The following SLC6A18 variants were observed in gnomAD, a reference collection of about 807,000 sequenced individuals.
SLC6A18 encodes the protein inactive sodium-dependent neutral amino acid transporter B(0)AT3.
In SLC6A18, 58 loss-of-function variants were observed where a neutral mutation model predicts 62.9. The observed-to-expected ratio is 0.92, with a 90% CI of 0.75 to 1.15. The LOEUF (loss-of-function observed/expected upper bound fraction) is 1.15. SLC6A18 is among the 50% of genes most tolerant of loss of function. The pLI is 0.00. For synonymous variants in SLC6A18, 382 were observed against 365.8 expected, an observed-to-expected ratio of 1.04 and a Z score of -0.51; for missense variants, 793 against 836.6, an observed-to-expected ratio of 0.95 and a Z score of 0.64.
intron 1 of SLC6A18, among the ~76,000 whole-genome samples, chr5:1,228,378 G>A (rs1394610626): frequency 6.6e-6 from 1 of 152,134 alleles, no homozygotes; most frequent in Non-Finnish European, 1.5e-5. Flanking sequence ...CCTTCCTGCG[G>A]GTCTCTCCAT....
chr5:1,226,425 A>G (rs1435695844), intron 1 of SLC6A18, among the ~76,000 whole-genome samples: 1 of 152,146 alleles, frequency 6.6e-6, no homozygotes, highest in African/African-American at 2.4e-5. Flanking sequence ...GGGGCTTCCC[A>G]GGCCGCAGGG....
chr5:1,241,990 T>C lies in SLC6A18; in HGVS notation c.975-717T>C, dbSNP rs1037287261. On this transcript the variant is annotated intron_variant, in intron 7 of 11. Transcript: ENST00000324642. This position sits in a 1 kb window ranked among gnomAD's most constrained non-coding sequence, Gnocchi z 7.8. ...GCTGGAGCCCCAAAAAGGTGTTTGCTGGTATCCATGTGTCCCGCCCTTGGC... is the reference window on the plus strand; with the variant it reads ...GCTGGAGCCCCAAAAAGGTGTTTGCCGGTATCCATGTGTCCCGCCCTTGGC... Among the ~76,000 whole-genome samples, 5 of 150,972 alleles carry C rather than the reference T, an allele frequency of 3.3e-5. No individual in the cohort carries two copies. Among genetic ancestry groups the C allele is most frequent in the African/African-American group, 1.2e-4 (5 of 41,040 alleles).
At chr5:1,237,128 A>G (rs559425023) in intron 4 of SLC6A18, among the ~76,000 whole-genome samples, 1 of 151,412 alleles carries the variant, frequency 6.6e-6, no homozygotes, top group African/African-American at 2.4e-5. Context: ...TGTAATCCCA[A>G]CTACTTGCGA....
In SLC6A18 at chr5:1,240,834, C is replaced by A. The variant is rs553566856; in HGVS notation, c.974+175C>A. On this transcript the variant is annotated intron_variant, in intron 7 of 11. Transcript: ENST00000324642. ...TTCCACCCAAAACTTCAGAATGTGA[C>A]CTGGTTGGAAAAGGGTCTTTGCAGA... Among the ~76,000 whole-genome samples, 136 of 152,076 alleles carry A rather than the reference C, an allele frequency of 8.9e-4. 1 individual carries two copies. The highest frequency in any genetic ancestry group is 1.5e-3 in the Non-Finnish European group (100 of 68,036).
At chr5:1,236,781 G>A (rs571247791) in intron 4 of SLC6A18, among the ~76,000 whole-genome samples, 74 of 152,146 alleles carry the variant, frequency 4.9e-4, no homozygotes, top group African/African-American at 1.7e-3. Flanking sequence ...GTCTCAGGAC[G>A]CCAGTGCCCC....
At chr5:1,231,899 GCTGGT>G (rs1301941600) in intron 1 of SLC6A18, among the ~76,000 whole-genome samples, 22 of 152,174 alleles carry the variant, frequency 1.4e-4, no homozygotes, top group African/African-American at 4.3e-4. Flanking sequence ...CTCAAACAAT[GCTGGT>G]CCCTCAGCAA....
Position 1,238,044 on chromosome 5 carries a change from A to G in SLC6A18, c.716A>G (p.Tyr239Cys). The G allele has an allele frequency of 2.5e-6, 4 of 1,613,912 alleles. No homozygotes were observed. Among genetic ancestry groups the G allele is most frequent in the African/African-American group, 2.7e-5 (2 of 75,046 alleles). ...TLPGATKGLI[Y>C]LFTPNMHILQ... ...CCAGGGGCAACAAAAGGACTCATCT[A>G]CTTGTTCACTCCCAACGTAAGTGGG... is the stretch of plus-strand genomic sequence containing the variant. Residue 239 changes from tyrosine (Y) to cysteine (C), a missense_variant, in exon 5 of 12, where the codon TAC (tyrosine) becomes TGC (cysteine). Physicochemically the swap from Tyr to Cys is radical, Grantham distance 194. Transcript: ENST00000324642.
chr5:1,225,946 A>G (rs1161629950), intron 1 of SLC6A18, among the ~76,000 whole-genome samples: 1 of 152,164 alleles, frequency 6.6e-6, no homozygotes, highest in Non-Finnish European at 1.5e-5. Flanking sequence ...GCCCTGCCCG[A>G]CACACACACC....
At position 1,241,705 on chromosome 5, in the gene SLC6A18, G is replaced by A. The variant is rs1561180133; in HGVS notation, c.975-1002G>A. 6.6e-6 allele frequency among the ~76,000 whole-genome samples: 1 copy of A among 152,250 alleles called. No homozygotes were observed. Among genetic ancestry groups the A allele is most frequent in the Non-Finnish European group, 1.5e-5 (1 of 68,038 alleles). ...TTACAGGATGAGCCGGGTCAAGAAG[G>A]CAGAGCTGGGCTTTGTTCAGCCCCA... is the stretch of plus-strand genomic sequence containing the variant. On this transcript the variant is annotated intron_variant, in intron 7 of 11. Transcript: ENST00000324642. The surrounding 1 kb of genome is among the most constrained non-coding windows in gnomAD (Gnocchi z 7.8).
In SLC6A18 at chr5:1,232,627, G is replaced by A. The variant is rs141712831; in HGVS notation, c.302-124G>A. ...ACATGTGAGGTGTGAGGGAGGCCTG[G>A]CTTTCAGCTGCGCCCTTCAGCATGT... is the stretch of plus-strand genomic sequence containing the variant. On this transcript the variant is annotated intron_variant, in intron 2 of 11. Coordinates refer to ENST00000324642, the MANE Select transcript of SLC6A18 (RefSeq NM_182632.3). 4.3e-6 allele frequency: 6 copies of A among 1,390,072 alleles called. No homozygotes were observed. The Admixed American group carries it at 1.5e-4, about 36-fold the overall frequency. 86.1% of individuals were successfully genotyped at this position (1,390,072 alleles called of 1,614,324 possible).
At chr5:1,240,089 C>G (rs78368589) in intron 6 of SLC6A18, among the ~76,000 whole-genome samples, 1 of 152,198 alleles carries the variant, frequency 6.6e-6, no homozygotes, top group African/African-American at 2.4e-5. Context: ...TGCCCGCTGG[C>G]GGCCTTTAGG....
At chr5:1,233,928 A>G (rs913937129) in intron 3 of SLC6A18, among the ~76,000 whole-genome samples, 3 of 151,938 alleles carry the variant, frequency 2.0e-5, no homozygotes, top group Non-Finnish European at 2.9e-5. Flanking sequence ...TTTTTAGTAG[A>G]GACGGGGTTT....
At chr5:1,229,149 A>T (rs1051986399) in intron 1 of SLC6A18, among the ~76,000 whole-genome samples, 5 of 152,084 alleles carry the variant, frequency 3.3e-5, no homozygotes, top group Non-Finnish European at 5.9e-5. Flanking sequence ...TACGGCTTTA[A>T]TGCAGCCGCT....
In SLC6A18 at chr5:1,244,392, G is replaced by A. The variant is rs1453455196; in HGVS notation, c.1496+19G>A. The A allele has an allele frequency of 1.7e-5, 28 of 1,613,064 alleles. No individual in the cohort carries two copies. In the Admixed American group the frequency reaches 2.7e-4, roughly 15 times the overall value. Reference sequence around the variant, plus strand: ...TGAAACGGTGAGCTGCCGCCCCGCCGAGTGCTCCTCTGGGACCCACCAGGG... The same window carrying A: ...TGAAACGGTGAGCTGCCGCCCCGCCAAGTGCTCCTCTGGGACCCACCAGGG... On this transcript the variant is annotated intron_variant, in intron 10 of 11. Coordinates refer to ENST00000324642, the MANE Select transcript of SLC6A18 (RefSeq NM_182632.3).
At chr5:1,238,138 C>A in intron 5 of SLC6A18, 78 bp downstream of exon 5, 2 of 1,171,062 alleles carry the variant, frequency 1.7e-6, no homozygotes, top group Non-Finnish European at 1.3e-6. Context: ...CCCTCCCTCA[C>A]CTGGGAGCGT....
At chr5:1,240,794 TC>T in intron 7 of SLC6A18, 135 bp downstream of exon 7, 2 of 1,264,636 alleles carry the variant, frequency 1.6e-6, no homozygotes, top group Non-Finnish European at 2.2e-6. Flanking sequence ...GTGAATGGTG[TC>T]CCCAGAAGGT....
At chr5:1,226,959 G>A (rs1450839489) in intron 1 of SLC6A18, among the ~76,000 whole-genome samples, 2 of 70,326 alleles carry the variant, frequency 2.8e-5, no homozygotes, top group African/African-American at 4.4e-5. Flanking sequence ...CTTGCCCAAC[G>A]CCTTGCCCAC....
rs374815723 is a variant in SLC6A18, at chr5:1,226,044, GGT to G, written c.160+412_160+413del. Among the ~76,000 whole-genome samples the G allele has an allele frequency of 2.3e-3, 343 of 152,344 alleles. 2 individuals carry two copies. The highest frequency in any genetic ancestry group is 7.8e-3 in the African/African-American group (326 of 41,576). On this transcript the variant is annotated intron_variant, in intron 1 of 11. Transcript: ENST00000324642. ...CTCTGGGTTTCCTCACCACAGCCTT[GGT>G]GTGTCCAGACATGTGCTCAGGTGCC...
intron 3 of SLC6A18, among the ~76,000 whole-genome samples, chr5:1,234,842 T>C (rs942598983): frequency 6.6e-6 from 1 of 152,210 alleles, no homozygotes; most frequent in East Asian, 1.9e-4. Flanking sequence ...GGAGGAGCCC[T>C]GTGGCATGGG....
Sources: gnomAD v4.1 joint callset for allele counts (sites outside exome capture counted in the v4.1 genomes callset) on GRCh38, gnomAD v4.1.1 for gene constraint, Gnocchi (gnomAD v3.1) non-coding constraint, MANE v1.5 for transcripts, NCBI Gene and HGNC (gene_info 2026-07-23, HGNC 2026-07-21) for gene names.